Variants in DDX56 observed in about 807,000 individuals in gnomAD.
DDX56 encodes probable ATP-dependent RNA helicase DDX56.
In DDX56, 45 loss-of-function variants were observed where a neutral mutation model predicts 61.5. The ratio of observed to expected loss-of-function variants is 0.73; its 90% CI spans 0.58 to 0.94. The LOEUF is 0.94. DDX56 is among the 40% of genes least tolerant of loss of function. DDX56 has a pLI of 0.00. For missense variants in DDX56, 708 were observed against 690.7 expected, an observed-to-expected ratio of 1.02 and a Z score of -0.28; for synonymous variants, 273 against 268.3, an observed-to-expected ratio of 1.02 and a Z score of -0.17.
intron 11 of DDX56, 77 bp downstream of exon 11, chr7:44,568,826 A>G: frequency 2.4e-6 from 3 of 1,250,080 alleles, no homozygotes; most frequent in Non-Finnish European, 3.5e-6. Flanking sequence ...TCTGCTTCTC[A>G]CCACTCGGAG....
chr7:44,570,688 T>C (rs1802647972), intron 7 of DDX56, 70 bp downstream of exon 7: 3 of 1,548,280 alleles, frequency 1.9e-6, no homozygotes, highest in Admixed American at 3.8e-5. Context: ...TGCACTCTGG[T>C]TTTAGTCTTC....
chr7:44,571,440 T>C, intron 6 of DDX56, 52 bp downstream of exon 6: 1 of 1,606,328 alleles, frequency 6.2e-7, no homozygotes, highest in Non-Finnish European at 8.5e-7. Context: ...CTGGGTCCCC[T>C]TTCCATCTCT....
intron 5 of DDX56, among the ~76,000 whole-genome samples, 173 bp from the exon 6 acceptor site, chr7:44,571,909 T>C (rs917083783): frequency 3.9e-5 from 6 of 152,206 alleles, no homozygotes; most frequent in Non-Finnish European, 7.3e-5. Flanking sequence ...AATGCCCTTA[T>C]TGTTGTGGTA....
intron 2 of DDX56, 83 bp downstream of exon 2, chr7:44,573,500 G>A (rs896677532): frequency 3.9e-6 from 6 of 1,545,800 alleles, no homozygotes; most frequent in South Asian, 1.2e-5. Context: ...AGGGCCAAGA[G>A]AAAACCTCAG....
chr7:44,573,464 G>T, intron 2 of DDX56, 119 bp downstream of exon 2: 2 of 1,348,076 alleles, frequency 1.5e-6, no homozygotes, highest in Non-Finnish European at 1.0e-6. Flanking sequence ...ACAGCACCAG[G>T]TTCTCAGGCC....
chr7:44,572,504 C>G, intron 4 of DDX56, 67 bp from the exon 5 acceptor site: 5 of 1,613,186 alleles, frequency 3.1e-6, no homozygotes, highest in Non-Finnish European at 3.4e-6. Context: ...TGGCTTCCAG[C>G]CACCCCGCTC....
At position 44,570,777 on chromosome 7, in the gene DDX56, G is replaced by A. The variant is rs774566321; in HGVS notation, c.991C>T (p.Arg331Ter). 25 of 1,612,842 alleles carry A rather than the reference G, an allele frequency of 1.6e-5. No individual in the cohort carries two copies. The highest frequency in any genetic ancestry group is 2.0e-5 in the Non-Finnish European group (23 of 1,179,108). The change falls in exon 7 of 14, where the codon CGA (arginine) becomes TGA (stop). Residue 331 changes from arginine to a stop codon, truncating the protein, a stop_gained. Transcript: ENST00000258772. LOFTEE classifies it high-confidence loss of function. Reference protein sequence around the residue: ...GAPVKGKRRGRGPKGDKASDP... With the variant: ...GAPVKGKRRG ...ACTCACTTGTCCCCTTTGGGCCCTC[G>A]GCCCCGACGCTTGCCCTTGACTGGG...
chr7:44,566,178 C>G, intron 13 of DDX56, 99 bp from the exon 14 acceptor site: 5 of 744,148 alleles, frequency 6.7e-6, no homozygotes, highest in Non-Finnish European at 8.7e-6. Context: ...GGAGCCGTGC[C>G]GGCAACTGGC....
rs1327488054 is a variant in DDX56, at chr7:44,570,844, G to A, written c.924C>T (p.Phe308=). 1.9e-6 allele frequency: 3 copies of A among 1,613,952 alleles called. No homozygotes were observed. The highest frequency in any genetic ancestry group is 2.2e-5 in the South Asian group (2 of 91,084). The part of the protein sequence containing the change: ...CHIISQFNQG[F]YDCVIATDAE... The stretch of plus-strand genomic sequence containing the variant: ...CATCAGTTGCTATGACACAGTCGTA[G>A]AAGCCTTGGTTGAACTGTGAGATGA... Residue 308 remains phenylalanine (F), a synonymous_variant, in exon 7 of 14, where the codon TTC becomes TTT. Transcript: ENST00000258772.
rs1471409880 is a variant in DDX56, at chr7:44,569,113, C to A, written c.1293+17G>T. The A allele has an allele frequency of 3.1e-6, 5 of 1,613,806 alleles. No homozygotes were observed. Among genetic ancestry groups the A allele is most frequent in the Non-Finnish European group, 3.4e-6 (4 of 1,179,846 alleles). ...AGCCCCTCCCCTCTCATTCCCCTCC[C>A]CACCACAGCAGCTCACCCTGCAGCG... On this transcript the variant is annotated intron_variant, in intron 10 of 13. Coordinates refer to ENST00000258772, the MANE Select transcript of DDX56 (RefSeq NM_019082.4).
chr7:44,566,965 A>G (rs1478867981), intron 12 of DDX56, among the ~76,000 whole-genome samples: 1 of 151,706 alleles, frequency 6.6e-6, no homozygotes, highest in Non-Finnish European at 1.5e-5. Context: ...CAAACATCCC[A>G]CATCCTGACA....
chr7:44,565,862 C>G lies in DDX56; in HGVS notation c.*140G>C. The G allele has an allele frequency of 1.4e-6, 1 of 691,144 alleles. No homozygotes were observed. The highest frequency in any genetic ancestry group is 2.6e-6 in the Non-Finnish European group (1 of 387,128). 42.8% of individuals were successfully genotyped at this position (691,144 alleles called of 1,614,324 possible). A position where few individuals can be genotyped will look rare whatever the true frequency, so the allele number is the denominator to read the frequency against. On this transcript the variant is annotated 3_prime_UTR_variant, in exon 14 of 14. Transcript: ENST00000258772. Reference sequence around the variant, plus strand: ...GGGCAAGATGCCAGCTTGGAAGTGCCAAGGAGCTAAAGGGCCCAGCACTGC... The same window carrying G: ...GGGCAAGATGCCAGCTTGGAAGTGCGAAGGAGCTAAAGGGCCCAGCACTGC...
At chr7:44,569,256 T>A in intron 9 of DDX56, 53 bp from the exon 10 acceptor site, 2 of 1,554,412 alleles carry the variant, frequency 1.3e-6, no homozygotes. Flanking sequence ...TAGGATAGGG[T>A]CTTCATTGGA....
In DDX56 at chr7:44,572,999, T is replaced by C; in HGVS notation, c.274A>G (p.Lys92Glu). Residue 92 changes from lysine (K) to glutamate (E), a missense_variant, in exon 3 of 14, where the codon AAG becomes GAG. Coordinates refer to ENST00000258772, the MANE Select transcript of DDX56 (RefSeq NM_019082.4). ...GACTGTGCTTGCCGTGCCAGCTCCT[T>C]GGTAGGAACAAGAACAAGGCCTCTC... ...AVRGLVLVPT[K>E]ELARQAQSMI... The C allele has an allele frequency of 6.2e-7, 1 of 1,612,708 alleles. No homozygotes were observed.
rs1460989191 is a variant in DDX56, at chr7:44,566,501, C to G, written c.1513G>C (p.Val505Leu). 6.4e-7 allele frequency: 1 copy of G among 1,565,572 alleles called. No individual in the cohort carries two copies. The highest frequency in any genetic ancestry group is 1.9e-5 in the Admixed American group (1 of 53,868). ...YLVPPALRGL[V>L]RPHKKRKKLS... ...TTCTTCCGCTTCTTGTGAGGGCGCA[C>G]CAGGCCACGGAGAGCAGGAGGAACT... Residue 505 changes from valine to leucine, a missense_variant, in exon 13 of 14, where the codon GTG becomes CTG. Coordinates refer to ENST00000258772, the MANE Select transcript of DDX56 (RefSeq NM_019082.4).
At chr7:44,566,195 G>A (rs890581993) in intron 13 of DDX56, 116 bp from the exon 14 acceptor site, 11 of 634,480 alleles carry the variant, frequency 1.7e-5, no homozygotes, top group African/African-American at 2.1e-5. Context: ...TGGCCAACAC[G>A]ACCAGAAGGT....
At chr7:44,571,803 C>A (rs1457069873) in intron 5 of DDX56, 67 bp from the exon 6 acceptor site, 18 of 1,583,582 alleles carry the variant, frequency 1.1e-5, no homozygotes, top group Non-Finnish European at 1.4e-5. Flanking sequence ...CACTTACTCA[C>A]CAACCAAAGC....
rs1230487546 is a variant in DDX56, at chr7:44,571,472, A to G, written c.890+20T>C. 1.2e-6 allele frequency: 2 copies of G among 1,611,968 alleles called. No individual in the cohort carries two copies. Among genetic ancestry groups the G allele is most frequent in the Non-Finnish European group, 1.7e-6 (2 of 1,178,238 alleles). ...CTCTATCTTCAACTTATTTCAACCA[A>G]GATGTTGGCTGTGGCAGACCTGGAG... On this transcript the variant is annotated intron_variant, in intron 6 of 13. Transcript: ENST00000258772.
intron 12 of DDX56, among the ~76,000 whole-genome samples, chr7:44,567,432 G>A (rs563617367): frequency 6.6e-6 from 1 of 152,278 alleles, no homozygotes; most frequent in South Asian, 2.1e-4. Flanking sequence ...AGGCATAAAA[G>A]TCACACATAC....
Sources: gnomAD v4.1 joint callset for allele counts (sites outside exome capture counted in the v4.1 genomes callset) on GRCh38, gnomAD v4.1.1 for gene constraint, MANE v1.5 for transcripts, NCBI Gene and HGNC (gene_info 2026-07-23, HGNC 2026-07-21) for gene names.